SPTLC2: variants seen among roughly 807,000 people sequenced by gnomAD.
The protein encoded by SPTLC2 is serine palmitoyltransferase 2.
A neutral mutation model predicts 62.0 loss-of-function variants in SPTLC2; 21 were observed. That is an observed-to-expected ratio of 0.34 (90% confidence interval 0.24 to 0.49). The LOEUF (loss-of-function observed/expected upper bound fraction) is 0.49. Ranked by LOEUF, SPTLC2 falls within the 20% of genes least tolerant of loss-of-function variation. SPTLC2 has a pLI of 0.99. For synonymous variants in SPTLC2, 261 were observed against 261.8 expected, an observed-to-expected ratio of 1.00 and a Z score of 0.03; for missense variants, 511 against 713.0, an observed-to-expected ratio of 0.72 and a Z score of 3.23.
At chr14:77,573,097 A>G (rs1448323076) in intron 4 of SPTLC2, among the ~76,000 whole-genome samples, 1 of 152,188 alleles carries the variant, frequency 6.6e-6, no homozygotes, top group Admixed American at 6.6e-5. Context: ...CTTTTGGCCT[A>G]TGTCAGCTTT....
Position 77,570,462 on chromosome 14 carries a change from G to C in SPTLC2, c.678C>G (p.Phe226Leu), listed in dbSNP as rs780345332. The change falls in exon 5 of 12, where the codon TTC becomes TTG. Residue 226 changes from phenylalanine to leucine, a missense_variant. Physicochemically the swap from Phe to Leu is conservative, Grantham distance 22. Transcript: ENST00000216484. ...HEELEELVAR[F>L]LGVEAAMAYG... ...ACGCCATAGCAGCTTCTACTCCTAA[G>C]AACCTTGCTACAAGCTCCTCTAGTT... The C allele has an allele frequency of 6.2e-7, 1 of 1,613,988 alleles. No individual in the cohort carries two copies. Among genetic ancestry groups the C allele is most frequent in the Admixed American group, 1.7e-5 (1 of 60,012 alleles).
chr14:77,550,220 C>T (rs2079548497), intron 9 of SPTLC2, among the ~76,000 whole-genome samples: 1 of 152,200 alleles, frequency 6.6e-6, no homozygotes, highest in South Asian at 2.1e-4. Context: ...AAAAATCTCT[C>T]ATTAGAGATA....
At chr14:77,520,567 C>G (rs1172341232) in intron 10 of SPTLC2, among the ~76,000 whole-genome samples, 1 of 152,240 alleles carries the variant, frequency 6.6e-6, no homozygotes, top group Non-Finnish European at 1.5e-5. Flanking sequence ...TGAGCCTATA[C>G]TAAGCAGGTC....
chr14:77,588,775 C>T lies in SPTLC2; in HGVS notation c.327+8411G>A, dbSNP rs150328454. 4.4e-3 allele frequency among the ~76,000 whole-genome samples: 668 copies of T among 151,180 alleles called. 4 individuals are homozygous for T. The highest frequency in any genetic ancestry group is 0.032 in the Middle Eastern group (9 of 284). On this transcript the variant is annotated intron_variant, in intron 2 of 11. Transcript: ENST00000216484. ...CAGCACTTTAGGAGGCTGAGGCAGG[C>T]GGATCACTTAAGCCCAGAAGTTCAA...
chr14:77,581,877 C>T (rs2079753216), intron 2 of SPTLC2, among the ~76,000 whole-genome samples: 2 of 152,010 alleles, frequency 1.3e-5, no homozygotes, highest in Admixed American at 6.6e-5. Flanking sequence ...ATAGAGATAT[C>T]CAATTCTAAT....
rs188549181 is a variant in SPTLC2 at position 77,580,303 on chromosome 14, C to T, written c.328-1194G>A. On this transcript the variant is annotated intron_variant, in intron 2 of 11. Coordinates refer to ENST00000216484, the MANE Select transcript of SPTLC2 (RefSeq NM_004863.4). ...TTCAAGACCAGCCTGGCCAACATGGCGAAACCCATCGCCACTAAAAATACA... is the reference window on the plus strand; with the variant it reads ...TTCAAGACCAGCCTGGCCAACATGGTGAAACCCATCGCCACTAAAAATACA... Among the ~76,000 whole-genome samples, 633 of 151,426 alleles carry T rather than the reference C, an allele frequency of 4.2e-3. 4 individuals carry two copies. The highest frequency in any genetic ancestry group is 0.015 in the African/African-American group (603 of 41,272).
At chr14:77,561,611 CAA>C (rs1187006995) in intron 6 of SPTLC2, among the ~76,000 whole-genome samples, 18 of 96,442 alleles carry the variant, frequency 1.9e-4, no homozygotes, top group Admixed American at 1.2e-4. Context: ...ACTCTAGCCT[CAA>C]AAAAAAAAAA....
chr14:77,551,629 C>T (rs749158363), intron 9 of SPTLC2, among the ~76,000 whole-genome samples: 2 of 152,002 alleles, frequency 1.3e-5, no homozygotes, highest in African/African-American at 2.4e-5. Flanking sequence ...CTACAAATCC[C>T]ATCAAAGACA....
At chr14:77,532,424 T>C (rs908119192) in intron 9 of SPTLC2, among the ~76,000 whole-genome samples, 2 of 152,192 alleles carry the variant, frequency 1.3e-5, no homozygotes, top group Non-Finnish European at 2.9e-5. Flanking sequence ...GTTTTTCTTC[T>C]GCATACCCTG....
intron 2 of SPTLC2, among the ~76,000 whole-genome samples, chr14:77,593,082 G>C (rs1051373465): frequency 6.7e-6 from 1 of 149,816 alleles, no homozygotes; most frequent in African/African-American, 2.5e-5. Flanking sequence ...CAGCCTGGGC[G>C]ACAGAGTGAG....
intron 4 of SPTLC2, among the ~76,000 whole-genome samples, chr14:77,571,237 G>A (rs1566783831): frequency 6.6e-6 from 1 of 152,180 alleles, no homozygotes; most frequent in Non-Finnish European, 1.5e-5. Flanking sequence ...CTGGCAGGGT[G>A]CAGTGGCTCA....
chr14:77,522,518 C>T (rs563696654), intron 9 of SPTLC2, among the ~76,000 whole-genome samples: 63 of 152,324 alleles, frequency 4.1e-4, no homozygotes, highest in African/African-American at 1.4e-3. Flanking sequence ...AGTATAAAAT[C>T]GTATCTTTAA....
chr14:77,521,469 C>T lies in SPTLC2; in HGVS notation c.1416G>A (p.Met472Ile). 6.2e-7 allele frequency: 1 copy of T among 1,614,166 alleles called. No individual in the cohort carries two copies. The highest frequency in any genetic ancestry group is 8.5e-7 in the Non-Finnish European group (1 of 1,180,030). The change falls in exon 10 of 12, where the codon ATG becomes ATA. Residue 472 changes from methionine (M) to isoleucine (I), a missense_variant. Met to Ile is a conservative substitution (Grantham distance 10). Transcript: ENST00000216484. ...GNEDSPVVPL[M>I]LYMPAKIGAF... The stretch of plus-strand genomic sequence containing the variant: ...ACCCAATTTTGGCAGGCATGTAGAG[C>T]ATCAAAGGCACTACTGGAGAGTCTT...
Position 77,510,416 on chromosome 14 carries a change from A to AATT in SPTLC2, c.*1865_*1867dup, listed in dbSNP as rs2079326379. 6.5e-6 allele frequency: 1 copy of AATT among 153,120 alleles called. No homozygotes were observed. The highest frequency in any genetic ancestry group is 1.9e-4 in the East Asian group (1 of 5,228). 9.5% of individuals were successfully genotyped at this position (153,120 alleles called of 1,614,324 possible). A position where few individuals can be genotyped will look rare whatever the true frequency, so the allele number is the denominator to read the frequency against. On this transcript the variant is annotated 3_prime_UTR_variant, in exon 12 of 12. Transcript: ENST00000216484. ...CAGCTGATGACAACACACCCAGGAG[A>AATT]ATTTGGATTGAGAATCTTTACCGAT... is the stretch of plus-strand genomic sequence containing the variant.
intron 9 of SPTLC2, among the ~76,000 whole-genome samples, chr14:77,528,749 CTTTCA>C (rs879934778): frequency 1.3e-5 from 2 of 152,152 alleles, no homozygotes; most frequent in Non-Finnish European, 2.9e-5. Context: ...TTTCATATCT[CTTTCA>C]TTTAACAATT....
intron 1 of SPTLC2, among the ~76,000 whole-genome samples, chr14:77,607,622 T>C (rs1353835872): frequency 6.6e-6 from 1 of 152,240 alleles, no homozygotes; most frequent in African/African-American, 2.4e-5. Flanking sequence ...AGTGGCTTAA[T>C]ATTAGAATTT....
At chr14:77,594,976 T>C (rs1166817429) in intron 2 of SPTLC2, among the ~76,000 whole-genome samples, 1 of 151,826 alleles carries the variant, frequency 6.6e-6, no homozygotes, top group Non-Finnish European at 1.5e-5. Context: ...CTAGGAAGGG[T>C]ATGGTAAGCT....
intron 10 of SPTLC2, among the ~76,000 whole-genome samples, chr14:77,519,222 T>A (rs1317676609): frequency 6.6e-6 from 1 of 152,072 alleles, no homozygotes; most frequent in Non-Finnish European, 1.5e-5. Flanking sequence ...GTATTTTTAG[T>A]AGAGACGGGG....
At chr14:77,584,987 C>T (rs559076025) in intron 2 of SPTLC2, among the ~76,000 whole-genome samples, 1 of 152,332 alleles carries the variant, frequency 6.6e-6, no homozygotes, top group South Asian at 2.1e-4. Context: ...TCGGCACCAG[C>T]GCGATTCTAT....
Sources: allele counts gnomAD v4.1 joint callset (sites outside exome capture counted in the v4.1 genomes callset), GRCh38; gene constraint gnomAD v4.1.1; transcripts MANE v1.5; gene names NCBI Gene and HGNC (gene_info 2026-07-23, HGNC 2026-07-21).